The following STAU2 variants were observed in gnomAD, a reference collection of about 807,000 sequenced individuals.
STAU2 encodes staufen double-stranded RNA binding protein 2.
In STAU2, 20 loss-of-function variants were observed where a neutral mutation model predicts 65.9. The observed-to-expected ratio is 0.30, with a 90% CI of 0.21 to 0.44. The LOEUF is 0.44. Ranked by LOEUF, STAU2 falls within the 20% of genes least tolerant of loss-of-function variation. The pLI is 1.00. For missense variants in STAU2, 558 were observed against 683.9 expected (o/e 0.82, Z 2.05); for synonymous variants, 232 against 233.9 (o/e 0.99, Z 0.07).
intron 13 of STAU2, among the ~76,000 whole-genome samples, chr8:73,427,076 G>A (rs1816880830): frequency 6.6e-6 from 1 of 151,848 alleles, no homozygotes; most frequent in African/African-American, 2.4e-5. Context: ...TTACAGGCAT[G>A]CACCACCACG....
Position 73,613,906 on chromosome 8 carries a change from C to T in STAU2, c.729G>A (p.Val243=). The T allele has an allele frequency of 6.2e-7, 1 of 1,613,322 alleles. No homozygotes were observed. Among genetic ancestry groups the T allele is most frequent in the East Asian group, 2.2e-5 (1 of 44,862 alleles). ...CTTCTGCAGAGAACTCTCCTACTGA[C>T]ACTCGAGTAACAAAGCTTTTCATAT... ...PPHMKSFVTR[V]SVGEFSAEGE... The change falls in exon 9 of 15, where the codon GTG becomes GTA. Residue 243 remains valine, a synonymous_variant. Coordinates refer to ENST00000524300, the MANE Select transcript of STAU2 (RefSeq NM_001164380.2).
At chr8:73,480,717 A>G (rs1820560894) in intron 13 of STAU2, among the ~76,000 whole-genome samples, 1 of 152,172 alleles carries the variant, frequency 6.6e-6, no homozygotes, top group African/African-American at 2.4e-5. Flanking sequence ...TCTTTTAAGA[A>G]GCCTTTGCTA....
chr8:73,671,083 TA>T (rs375465776), intron 6 of STAU2, among the ~76,000 whole-genome samples: 297 of 147,034 alleles, frequency 2.0e-3, no homozygotes, highest in African/African-American at 7.0e-3. Context: ...AACAAATATC[TA>T]AAAAAAAAAC....
chr8:73,565,239 G>A (rs1356140685), intron 12 of STAU2, among the ~76,000 whole-genome samples: 1 of 152,102 alleles, frequency 6.6e-6, no homozygotes, highest in Non-Finnish European at 1.5e-5. Flanking sequence ...CCCCCTTGCT[G>A]TTCTCCTGAT....
chr8:73,545,126 T>A (rs1008101343), intron 13 of STAU2, among the ~76,000 whole-genome samples: 8 of 152,210 alleles, frequency 5.3e-5, no homozygotes, highest in Non-Finnish European at 7.4e-5. Flanking sequence ...ATTCTTCATA[T>A]ACATGCTGAA....
chr8:73,738,223 G>T, intron 3 of STAU2, 61 bp downstream of exon 3: 1 of 1,428,528 alleles, frequency 7.0e-7, no homozygotes, highest in Non-Finnish European at 9.8e-7. Context: ...GAGTTAAAAT[G>T]TTCCACAATT....
intron 13 of STAU2, among the ~76,000 whole-genome samples, chr8:73,433,526 A>C (rs1438623197): frequency 7.6e-6 from 1 of 131,856 alleles, no homozygotes; most frequent in African/African-American, 3.0e-5. Flanking sequence ...TTTTTGACAG[A>C]GTCTGGCTCT....
chr8:73,535,371 G>A (rs936538641), intron 13 of STAU2, among the ~76,000 whole-genome samples: 1 of 151,970 alleles, frequency 6.6e-6, no homozygotes, highest in Non-Finnish European at 1.5e-5. Context: ...GGGTTTCACC[G>A]TGATAGCCAG....
At position 73,461,650 on chromosome 8, in the gene STAU2, C is replaced by T. The variant is rs114149203; in HGVS notation, c.1531-38948G>A. ...GCAGCAAAGAGGCCAACAGAGAGCA[C>T]AAGCACAAGCACGGCAGCAAGTAGG... On this transcript the variant is annotated intron_variant, in intron 13 of 14. Transcript: ENST00000524300. 5.2e-3 allele frequency among the ~76,000 whole-genome samples: 794 copies of T among 152,000 alleles called. 9 individuals are homozygous for T. The highest frequency in any genetic ancestry group is 0.024 in the South Asian group (117 of 4,790).
At chr8:73,493,669 G>A (rs1210135909) in intron 13 of STAU2, among the ~76,000 whole-genome samples, 13 of 151,658 alleles carry the variant, frequency 8.6e-5, no homozygotes, top group African/African-American at 2.4e-4. Context: ...TTCATACGAC[G>A]TTGGTGGGAG....
Position 73,637,477 on chromosome 8 carries a change from TAAAAAAAA to T in STAU2, c.411-20034_411-20027del, listed in dbSNP as rs60833468. ...TAAAGTCTTTATAAAGTGCTGAAAG[TAAAAAAAA>T]AAAAAAAAAAAAAAAAAAAAGAAAA... On this transcript the variant is annotated intron_variant, in intron 6 of 14. Coordinates refer to ENST00000524300, the MANE Select transcript of STAU2 (RefSeq NM_001164380.2). Among the ~76,000 whole-genome samples, 41 of 57,092 alleles carry T rather than the reference TAAAAAAAA, an allele frequency of 7.2e-4. No homozygotes were observed. In the East Asian group the frequency reaches 7.7e-3, roughly 11 times the overall value. The allele number at this position is 57,092 out of a possible 152,430, so 37.5% of individuals were successfully genotyped here. A position where few individuals can be genotyped will look rare whatever the true frequency, so the allele number is the denominator to read the frequency against.
intron 4 of STAU2, among the ~76,000 whole-genome samples, chr8:73,702,197 T>C (rs1019138681): frequency 6.6e-6 from 1 of 152,122 alleles, no homozygotes; most frequent in African/African-American, 2.4e-5. Flanking sequence ...CTACAGTCAA[T>C]AATAATTTAA....
At chr8:73,572,101 A>G (rs1809142753) in intron 12 of STAU2, among the ~76,000 whole-genome samples, 1 of 152,214 alleles carries the variant, frequency 6.6e-6, no homozygotes, top group African/African-American at 2.4e-5. Context: ...ACAAACTACC[A>G]TCAGAGAATA....
chr8:73,526,348 T>A lies in STAU2; in HGVS notation c.1530+25664A>T, dbSNP rs780777200. ...ACATGATCTTCCCTAAATATCACAA[T>A]ACTTCCCCACCAATGAATGAATAAT... On this transcript the variant is annotated intron_variant, in intron 13 of 14. Coordinates refer to ENST00000524300, the MANE Select transcript of STAU2 (RefSeq NM_001164380.2). 3.3e-5 allele frequency among the ~76,000 whole-genome samples: 5 copies of A among 152,340 alleles called. No homozygotes were observed. The South Asian group carries it at 1.0e-3, about 32-fold the overall frequency.
At chr8:73,459,083 A>G (rs915722739) in intron 13 of STAU2, among the ~76,000 whole-genome samples, 2 of 152,140 alleles carry the variant, frequency 1.3e-5, no homozygotes, top group Non-Finnish European at 2.9e-5. Flanking sequence ...CATCTTAAGG[A>G]TTTTTTTCAA....
intron 6 of STAU2, among the ~76,000 whole-genome samples, chr8:73,663,752 T>C (rs1318253854): frequency 6.6e-6 from 1 of 152,160 alleles, no homozygotes; most frequent in Non-Finnish European, 1.5e-5. Context: ...TTTTATAGCC[T>C]TCATTATACA....
chr8:73,564,216 C>A (rs1416224714), intron 12 of STAU2, among the ~76,000 whole-genome samples: 1 of 152,106 alleles, frequency 6.6e-6, no homozygotes. Flanking sequence ...GCCGACAGAG[C>A]CAGCATATTT....
At chr8:73,508,549 A>G (rs1822197222) in intron 13 of STAU2, among the ~76,000 whole-genome samples, 1 of 152,222 alleles carries the variant, frequency 6.6e-6, no homozygotes, top group South Asian at 2.1e-4. Flanking sequence ...AGTTGGAAAT[A>G]TTTCAAGAAT....
chr8:73,492,873 T>C (rs914345762), intron 13 of STAU2, among the ~76,000 whole-genome samples: 5 of 151,824 alleles, frequency 3.3e-5, no homozygotes, highest in Non-Finnish European at 7.4e-5. Flanking sequence ...GGAAATTAAG[T>C]TGGTGGTTAA....
Sources: allele counts gnomAD v4.1 joint callset (sites outside exome capture counted in the v4.1 genomes callset), GRCh38; gene constraint gnomAD v4.1.1; transcripts MANE v1.5; gene names NCBI Gene and HGNC (gene_info 2026-07-23, HGNC 2026-07-21).